The following PCDHA1 variants were observed in gnomAD, a reference collection of about 807,000 sequenced individuals.
PCDHA1 encodes protocadherin alpha 1.
Under a neutral mutation model 61.3 loss-of-function variants are expected in PCDHA1, and 42 were observed. That is an observed-to-expected ratio of 0.69 (90% CI 0.54 to 0.89). The LOEUF (loss-of-function observed/expected upper bound fraction) is 0.89, where lower values mean the gene tolerates loss of function less well. Among genes scored for constraint, PCDHA1 ranks in the 40% least tolerant of loss-of-function variants. The pLI is 0.00. For missense variants in PCDHA1, 1,256 were observed against 1,235.3 expected, an observed-to-expected ratio of 1.02 and a Z score of -0.25; for synonymous variants, 610 against 553.8, an observed-to-expected ratio of 1.10 and a Z score of -1.43.
In PCDHA1 at chr5:140,788,591, C is replaced by T. The variant is rs781992120; in HGVS notation, c.2301C>T (p.Thr767=). The change falls in exon 1 of 4, where the codon ACC becomes ACT. Residue 767 remains threonine (T), a synonymous_variant. Coordinates refer to ENST00000504120, the MANE Select transcript of PCDHA1 (RefSeq NM_018900.4). ...GCTCTAGCGAGGGCCCACCCAAGAC[C>T]GACCTCATGGCCTTCAGCCCAGGCC... The part of the protein sequence containing the change: ...RVCSSEGPPK[T]DLMAFSPGLS... 22 of 1,614,056 alleles carry T rather than the reference C, an allele frequency of 1.4e-5. No homozygotes were observed. The highest frequency in any genetic ancestry group is 1.9e-5 in the Non-Finnish European group (22 of 1,180,018).
At chr5:140,942,221 G>A (rs1238547021) in intron 1 of PCDHA1, among the ~76,000 whole-genome samples, 1 of 152,046 alleles carries the variant, frequency 6.6e-6, no homozygotes, top group African/African-American at 2.4e-5. Context: ...TATTTAAAAT[G>A]TGTAGGCAAA....
Position 140,843,291 on chromosome 5 carries a change from C to T in PCDHA1, c.2394+54607C>T, listed in dbSNP as rs2150356588. The T allele has an allele frequency of 1.3e-6, 2 of 1,595,988 alleles. 1 individual carries two copies. The highest frequency in any genetic ancestry group is 1.7e-6 in the Non-Finnish European group (2 of 1,165,560). On this transcript the variant is annotated intron_variant, in intron 1 of 3. Coordinates refer to ENST00000504120, the MANE Select transcript of PCDHA1 (RefSeq NM_018900.4). Reference sequence around the variant, plus strand: ...GTCCTGGTGAAGGATCATGGTGAACCTGCGCTGACCGCCACGGCCACGGTT... The same window carrying T: ...GTCCTGGTGAAGGATCATGGTGAACTTGCGCTGACCGCCACGGCCACGGTT...
At chr5:140,995,393 G>T (rs1267179638) in intron 3 of PCDHA1, among the ~76,000 whole-genome samples, 5 of 152,184 alleles carry the variant, frequency 3.3e-5, no homozygotes, top group Non-Finnish European at 7.3e-5. Flanking sequence ...GATAAAGCGG[G>T]ATGGCTCGAG....
chr5:140,910,142 A>T (rs535162246), intron 1 of PCDHA1, among the ~76,000 whole-genome samples: 1 of 152,326 alleles, frequency 6.6e-6, no homozygotes, highest in South Asian at 2.1e-4. Context: ...TTAAGTCTGG[A>T]AATTGATTGA....
intron 1 of PCDHA1, chr5:140,927,477 G>A: frequency 6.2e-7 from 1 of 1,614,118 alleles, no homozygotes; most frequent in Non-Finnish European, 8.5e-7. Flanking sequence ...ATCGCGAACA[G>A]CGCGCCACCC....
chr5:140,849,523 T>A (rs2150439737), intron 1 of PCDHA1: 1 of 1,597,506 alleles, frequency 6.3e-7, no homozygotes, highest in African/African-American at 1.3e-5. Flanking sequence ...GTTGTGGATG[T>A]AAATGACAAT....
chr5:140,892,733 C>G lies in PCDHA1; in HGVS notation c.2395-86216C>G, dbSNP rs183181952. Reference sequence around the variant, plus strand: ...CATATTCATAATCTCAAACATTTACCATTTTTGCATGGTGAACATTTAAAA... The same window carrying G: ...CATATTCATAATCTCAAACATTTACGATTTTTGCATGGTGAACATTTAAAA... On this transcript the variant is annotated intron_variant, in intron 1 of 3. Coordinates refer to ENST00000504120, the MANE Select transcript of PCDHA1 (RefSeq NM_018900.4). Among the ~76,000 whole-genome samples the G allele has an allele frequency of 8.1e-4, 123 of 152,172 alleles. No individual in the cohort carries two copies. In the Middle Eastern group the frequency reaches 0.02, roughly 25 times the overall value.
intron 1 of PCDHA1, chr5:140,882,459 T>G (rs782544853): frequency 6.2e-7 from 1 of 1,613,996 alleles, no homozygotes; most frequent in South Asian, 1.1e-5. Context: ...CCGCGCCTGT[T>G]CCGGGTGGCG....
intron 1 of PCDHA1, chr5:140,857,757 G>C (rs782736508): frequency 6.3e-7 from 1 of 1,597,402 alleles, no homozygotes; most frequent in Non-Finnish European, 8.6e-7. Flanking sequence ...TCTCCCGCTG[G>C]CAGCGCGGGC....
At chr5:140,913,970 T>C (rs2076541614) in intron 1 of PCDHA1, among the ~76,000 whole-genome samples, 1 of 152,144 alleles carries the variant, frequency 6.6e-6, no homozygotes. Context: ...TAAAAAAATA[T>C]TTTAGGACTT....
chr5:140,971,067 G>A (rs1270982335), intron 1 of PCDHA1, among the ~76,000 whole-genome samples: 1 of 152,204 alleles, frequency 6.6e-6, no homozygotes, highest in Non-Finnish European at 1.5e-5. Flanking sequence ...TAAGGTTGCT[G>A]TAGACATTTG....
At position 140,977,766 on chromosome 5, in the gene PCDHA1, G is replaced by C. The variant is rs559146656; in HGVS notation, c.2395-1183G>C. ...AAGAAATGTGTTTATTAAATACTTTGCATCCCTTAAAGGAACTATATGAAT... is the reference window on the plus strand; with the variant it reads ...AAGAAATGTGTTTATTAAATACTTTCCATCCCTTAAAGGAACTATATGAAT... On this transcript the variant is annotated intron_variant, in intron 1 of 3. Coordinates refer to ENST00000504120, the MANE Select transcript of PCDHA1 (RefSeq NM_018900.4). Among the ~76,000 whole-genome samples, 3 of 152,272 alleles carry C rather than the reference G, an allele frequency of 2.0e-5. No homozygotes were observed. In the South Asian group the frequency reaches 6.2e-4, roughly 32 times the overall value.
At chr5:140,983,168 C>G (rs2097030716) in intron 3 of PCDHA1, among the ~76,000 whole-genome samples, 1 of 152,146 alleles carries the variant, frequency 6.6e-6, no homozygotes. Context: ...CCAAACATGA[C>G]CGCCTCACAA....
intron 1 of PCDHA1, 49 bp downstream of exon 1, chr5:140,788,733 T>A: frequency 6.7e-7 from 1 of 1,494,232 alleles, no homozygotes; most frequent in Non-Finnish European, 8.9e-7. Flanking sequence ...CATATTTAAC[T>A]TGTCTAATCA....
At chr5:140,867,257 T>C (rs1396352368) in intron 1 of PCDHA1, 1 of 152,138 alleles carries the variant, frequency 6.6e-6, no homozygotes, top group Non-Finnish European at 1.5e-5. Flanking sequence ...TGTTGTTTCC[T>C]TTTGTTCAAA....
chr5:140,851,723 G>A lies in PCDHA1; in HGVS notation c.2394+63039G>A, dbSNP rs1581264682. 7 of 966,358 alleles carry A rather than the reference G, an allele frequency of 7.2e-6. 1 individual carries two copies. In the South Asian group the frequency reaches 1.4e-4, roughly 20 times the overall value. 59.9% of individuals were successfully genotyped at this position (966,358 alleles called of 1,614,324 possible). A position where few individuals can be genotyped will look rare whatever the true frequency, so the allele number is the denominator to read the frequency against. ...CAGCCATGTGAAGATTCGAAACTTC[G>A]AGTTCTTTTGAAATTCAGAGTCTGT... On this transcript the variant is annotated intron_variant, in intron 1 of 3. Transcript: ENST00000504120.
chr5:140,803,783 T>A, intron 1 of PCDHA1: 1 of 893,120 alleles, frequency 1.1e-6, no homozygotes, highest in Non-Finnish European at 1.7e-6. Flanking sequence ...CAGCAGTAAG[T>A]TATGATATCC....
chr5:140,892,509 A>G (rs2063553980), intron 1 of PCDHA1, among the ~76,000 whole-genome samples: 1 of 152,220 alleles, frequency 6.6e-6, no homozygotes, highest in Admixed American at 6.5e-5. Context: ...AAGAAGTTCC[A>G]CCATGACTGG....
chr5:140,897,881 C>G (rs1417702752), intron 1 of PCDHA1, among the ~76,000 whole-genome samples: 1 of 152,312 alleles, frequency 6.6e-6, no homozygotes, highest in Admixed American at 6.5e-5. Context: ...GATTGCCATT[C>G]TAACTGGTGT....
Sources: allele counts gnomAD v4.1 joint callset (sites outside exome capture counted in the v4.1 genomes callset), GRCh38; gene constraint gnomAD v4.1.1; transcripts MANE v1.5; gene names NCBI Gene and HGNC (gene_info 2026-07-23, HGNC 2026-07-21).